RALGAPA1: variants seen among roughly 807,000 people sequenced by gnomAD.
RALGAPA1 encodes the protein ral GTPase-activating protein subunit alpha-1.
A neutral mutation model predicts 269.6 loss-of-function variants in RALGAPA1; 52 were observed. The ratio of observed to expected loss-of-function variants is 0.19; its 90% confidence interval spans 0.15 to 0.24. The LOEUF (loss-of-function observed/expected upper bound fraction) is 0.24, where lower values mean the gene tolerates loss of function less well. Among genes scored for constraint, RALGAPA1 ranks in the 10% least tolerant of loss-of-function variants. RALGAPA1 has a pLI of 1.00. For synonymous variants in RALGAPA1, 817 were observed against 1,008.3 expected (o/e 0.81, Z 3.60); for missense variants, 1,917 against 3,013.9 (o/e 0.64, Z 8.52).
At chr14:35,651,275 G>C (rs1424925247) in intron 31 of RALGAPA1, among the ~76,000 whole-genome samples, 1 of 151,982 alleles carries the variant, frequency 6.6e-6, no homozygotes, top group Non-Finnish European at 1.5e-5. Context: ...ATAAGATATG[G>C]AAACTTAAAA....
chr14:35,728,182 A>G (rs1335477593), intron 13 of RALGAPA1, among the ~76,000 whole-genome samples, 180 bp downstream of exon 13: 2 of 152,216 alleles, frequency 1.3e-5, no homozygotes, highest in Non-Finnish European at 2.9e-5. Flanking sequence ...AAGTCCGAAC[A>G]AAGTTTCAGA....
chr14:35,635,424 CTCTTGG>C, intron 32 of RALGAPA1, 34 bp downstream of exon 32: 1 of 1,534,164 alleles, frequency 6.5e-7, no homozygotes, highest in Non-Finnish European at 8.8e-7. Flanking sequence ...GTTTTAAAAA[CTCTTGG>C]TTACCAAATA....
intron 31 of RALGAPA1, among the ~76,000 whole-genome samples, chr14:35,640,021 A>C (rs1262900316): frequency 2.0e-5 from 3 of 152,088 alleles, no homozygotes; most frequent in Non-Finnish European, 2.9e-5. Flanking sequence ...AAAAAACTGA[A>C]AGTTTCTGGA....
chr14:35,760,931 A>G lies in RALGAPA1; in HGVS notation c.445T>C (p.Trp149Arg). 6.2e-7 allele frequency: 1 copy of G among 1,611,174 alleles called. No individual in the cohort carries two copies. Among genetic ancestry groups the G allele is most frequent in the Non-Finnish European group, 8.5e-7 (1 of 1,177,576 alleles). ...LQNNCSKEQLWMFSCLIPGFS... is the reference protein window; with the variant it reads ...LQNNCSKEQLRMFSCLIPGFS... ...CCAGGGATTAAGCATGAAAACATCC[A>G]GAGCTGTTCTTTGCTACAGTTATTC... is the stretch of plus-strand genomic sequence containing the variant. The change falls in exon 6 of 42, where the codon TGG becomes CGG. Residue 149 changes from tryptophan to arginine, a missense_variant. Physicochemically the swap from Trp to Arg is moderately radical, Grantham distance 101 (BLOSUM62 -3). Coordinates refer to ENST00000680220, the MANE Select transcript of RALGAPA1 (RefSeq NM_001346249.2).
At chr14:35,734,516 A>C (rs1300494925) in intron 12 of RALGAPA1, among the ~76,000 whole-genome samples, 1 of 152,222 alleles carries the variant, frequency 6.6e-6, no homozygotes, top group Non-Finnish European at 1.5e-5. Context: ...GCAGAACAAA[A>C]CTGGATCCTC....
intron 35 of RALGAPA1, among the ~76,000 whole-genome samples, chr14:35,617,654 A>AG (rs1396185546): frequency 3.1e-4 from 4 of 12,716 alleles, no homozygotes; most frequent in Non-Finnish European, 5.0e-4. Context: ...GGGGGGGGGA[A>AG]GGGGGTGAAT....
chr14:35,757,281 C>T (rs992993731), intron 6 of RALGAPA1, among the ~76,000 whole-genome samples: 1 of 151,860 alleles, frequency 6.6e-6, no homozygotes, highest in Non-Finnish European at 1.5e-5. Context: ...GCCACCATGC[C>T]CAGCTAATTT....
chr14:35,552,378 C>T (rs2055108077), intron 39 of RALGAPA1, among the ~76,000 whole-genome samples: 1 of 152,082 alleles, frequency 6.6e-6, no homozygotes, highest in Non-Finnish European at 1.5e-5. Context: ...GACACTTACT[C>T]CATAAAAGGC....
rs778161029 is a variant in RALGAPA1 at position 35,685,190 on chromosome 14, T to G, written c.4078-45A>C. ...TTTACCATTAAGAAAAAGCTTTTAT[T>G]CTCTTTAACCATCTGAAACCTTTAA... is the stretch of plus-strand genomic sequence containing the variant. On this transcript the variant is annotated intron_variant, in intron 19 of 41. Coordinates refer to ENST00000680220, the MANE Select transcript of RALGAPA1 (RefSeq NM_001346249.2). 1.1e-5 allele frequency: 17 copies of G among 1,500,962 alleles called. No individual in the cohort carries two copies. In the South Asian group the frequency reaches 2.1e-4, roughly 19 times the overall value. 93.0% of individuals were successfully genotyped at this position (1,500,962 alleles called of 1,614,324 possible).
intron 39 of RALGAPA1, among the ~76,000 whole-genome samples, chr14:35,555,241 G>A (rs1451637044): frequency 6.6e-6 from 1 of 152,044 alleles, no homozygotes; most frequent in South Asian, 2.1e-4. Flanking sequence ...TTTTCTTTAG[G>A]CAATGTAATT....
intron 4 of RALGAPA1, 54 bp from the exon 5 acceptor site, chr14:35,762,807 A>C: frequency 2.7e-6 from 3 of 1,109,394 alleles, no homozygotes; most frequent in Non-Finnish European, 4.1e-6. Flanking sequence ...TGTAAATGTC[A>C]GAGTTCTCGG....
chr14:35,619,133 C>A (rs2060443230), intron 35 of RALGAPA1, among the ~76,000 whole-genome samples: 1 of 151,762 alleles, frequency 6.6e-6, no homozygotes, highest in African/African-American at 2.4e-5. Flanking sequence ...TATTATAAAG[C>A]TATATTAAAG....
chr14:35,716,119 C>G, intron 16 of RALGAPA1: 1 of 982,630 alleles, frequency 1.0e-6, no homozygotes, highest in Non-Finnish European at 1.2e-6. Flanking sequence ...GATGGTGAGG[C>G]ATGGTGGCTC....
chr14:35,590,663 C>T (rs1262072184), intron 37 of RALGAPA1, among the ~76,000 whole-genome samples: 1 of 152,188 alleles, frequency 6.6e-6, no homozygotes, highest in African/African-American at 2.4e-5. Flanking sequence ...TCAATTAAAC[C>T]TCTTTTCTTT....
intron 1 of RALGAPA1, among the ~76,000 whole-genome samples, chr14:35,806,828 C>T (rs969109668): frequency 7.2e-5 from 11 of 152,190 alleles, no homozygotes; most frequent in African/African-American, 2.4e-4. Context: ...TGGCAGACCT[C>T]TAAAAGACAC....
At chr14:35,711,979 G>C (rs2068388360) in intron 16 of RALGAPA1, among the ~76,000 whole-genome samples, 2 of 152,260 alleles carry the variant, frequency 1.3e-5, no homozygotes, top group South Asian at 4.1e-4. Flanking sequence ...GGGCGCGGTG[G>C]CTCACGCCTA....
At chr14:35,756,662 T>A (rs2073204366) in intron 7 of RALGAPA1, 131 bp downstream of exon 7, 1 of 550,782 alleles carries the variant, frequency 1.8e-6, no homozygotes, top group East Asian at 3.4e-5. Context: ...CATTGACCCT[T>A]CCCCTCCAAC....
At chr14:35,729,824 T>C (rs925021179) in intron 12 of RALGAPA1, among the ~76,000 whole-genome samples, 1 of 152,124 alleles carries the variant, frequency 6.6e-6, no homozygotes, top group Admixed American at 6.5e-5. Context: ...AATCCTATTT[T>C]AAAATACAAT....
Position 35,652,570 on chromosome 14 carries a change from A to G in RALGAPA1, c.5608-697T>C, listed in dbSNP as rs1026839468. Among the ~76,000 whole-genome samples the G allele has an allele frequency of 2.0e-5, 3 of 151,922 alleles. No homozygotes were observed. In the East Asian group the frequency reaches 5.8e-4, roughly 29 times the overall value. On this transcript the variant is annotated intron_variant, in intron 30 of 41. Coordinates refer to ENST00000680220, the MANE Select transcript of RALGAPA1 (RefSeq NM_001346249.2). ...CAGGTGTGGGCCACCACGCCCAGCTAATTTTTGTATTTTTAGTAGAGACGG... is the reference window on the plus strand; with the variant it reads ...CAGGTGTGGGCCACCACGCCCAGCTGATTTTTGTATTTTTAGTAGAGACGG...
Sources: allele counts gnomAD v4.1 joint callset (sites outside exome capture counted in the v4.1 genomes callset), GRCh38; gene constraint gnomAD v4.1.1; transcripts MANE v1.5; gene names NCBI Gene and HGNC (gene_info 2026-07-23, HGNC 2026-07-21).